Variants in AGAP3 observed in about 807,000 individuals in gnomAD.
AGAP3 encodes the protein ArfGAP with GTPase domain, ankyrin repeat and PH domain 3, also known as arf-GAP with GTPase, ANK repeat and PH domain-containing protein 3.
Under a neutral mutation model 96.9 loss-of-function variants are expected in AGAP3, and 24 were observed. The observed-to-expected ratio is 0.25, with a 90% CI of 0.18 to 0.35. The LOEUF is 0.35. AGAP3 is among the 10% of genes least tolerant of loss of function. AGAP3 has a pLI of 1.00. For missense variants in AGAP3, 876 were observed against 1,254.2 expected (o/e 0.70, Z 4.55); for synonymous variants, 563 against 536.1 (o/e 1.05, Z -0.69).
rs1276471102 is a variant in AGAP3, at chr7:151,141,554, A to T, written c.1805-344A>T. On this transcript the variant is annotated intron_variant, in intron 13 of 17. Coordinates refer to ENST00000397238, the MANE Select transcript of AGAP3 (RefSeq NM_031946.7). The surrounding 1 kb of genome is among the most constrained non-coding windows in gnomAD (Gnocchi z 4.2). ...TGTTTGCCTCCTAGCACCCCGTCAC[A>T]TCCTTCTCCAGATACTCAGCTCTTT... The T allele has an allele frequency of 3.3e-6, 1 of 307,076 alleles. No homozygotes were observed. The highest frequency in any genetic ancestry group is 6.2e-6 in the Non-Finnish European group (1 of 161,028). 19.0% of individuals were successfully genotyped at this position (307,076 alleles called of 1,614,324 possible).
At chr7:151,089,742 C>G (rs994151687) in intron 1 of AGAP3, 2 of 152,158 alleles carry the variant, frequency 1.3e-5, no homozygotes, top group Admixed American at 6.5e-5. Flanking sequence ...TCCTTTCCCA[C>G]CAGAGGCCAA....
intron 10 of AGAP3, 42 bp downstream of exon 10, chr7:151,128,726 G>A: frequency 2.0e-6 from 3 of 1,531,482 alleles, no homozygotes; most frequent in Non-Finnish European, 2.7e-6. Context: ...GTATGGGGAG[G>A]GGGTGGAGGG....
chr7:151,132,016 A>C (rs1415503314), intron 10 of AGAP3, among the ~76,000 whole-genome samples: 1 of 152,172 alleles, frequency 6.6e-6, no homozygotes, highest in Non-Finnish European at 1.5e-5. Context: ...GGGACCAGGG[A>C]CGGGCAGCTG....
At chr7:151,088,987 G>A (rs1351001852) in intron 1 of AGAP3, among the ~76,000 whole-genome samples, 4 of 151,932 alleles carry the variant, frequency 2.6e-5, no homozygotes, top group Non-Finnish European at 5.9e-5. Context: ...TCACCAGACC[G>A]ACCCAGCCGC....
Position 151,141,708 on chromosome 7 carries a change from A to G in AGAP3, c.1805-190A>G. On this transcript the variant is annotated intron_variant, in intron 13 of 17. Transcript: ENST00000397238. This position sits in a 1 kb window ranked among gnomAD's most constrained non-coding sequence, Gnocchi z 4.2. Reference sequence around the variant, plus strand: ...TTAGGAATGAGAACTGGGAGCTCACACTAGTCTTGCAGGTTTACTCTGGCC... The same window carrying G: ...TTAGGAATGAGAACTGGGAGCTCACGCTAGTCTTGCAGGTTTACTCTGGCC... 3.1e-6 allele frequency: 2 copies of G among 638,842 alleles called. No homozygotes were observed. Among genetic ancestry groups the G allele is most frequent in the Non-Finnish European group, 2.7e-6 (1 of 365,018 alleles). 39.6% of individuals were successfully genotyped at this position (638,842 alleles called of 1,614,324 possible). A position where few individuals can be genotyped will look rare whatever the true frequency, so the allele number is the denominator to read the frequency against.
intron 1 of AGAP3, among the ~76,000 whole-genome samples, chr7:151,098,374 A>G (rs1240531692): frequency 6.6e-6 from 1 of 151,328 alleles, no homozygotes; most frequent in African/African-American, 2.4e-5. Flanking sequence ...CACACATACA[A>G]ACACACACAT....
At chr7:151,126,371 G>A (rs1397821513) in intron 9 of AGAP3, among the ~76,000 whole-genome samples, 3 of 150,974 alleles carry the variant, frequency 2.0e-5, no homozygotes, top group Non-Finnish European at 4.4e-5. Flanking sequence ...AGAGCAGAGC[G>A]GAGCGGGGCG....
At chr7:151,123,577 G>A in intron 8 of AGAP3, 1 of 1,382,114 alleles carries the variant, frequency 7.2e-7, no homozygotes, top group Non-Finnish European at 9.4e-7. Context: ...GGGCGGGCCC[G>A]GCTCAGTGAC....
At chr7:151,123,920 C>T in intron 9 of AGAP3, 34 bp downstream of exon 9, 1 of 1,587,844 alleles carries the variant, frequency 6.3e-7, no homozygotes, top group Non-Finnish European at 8.5e-7. Flanking sequence ...CTCCAGGGCT[C>T]AGAATGAGGC....
Position 151,118,848 on chromosome 7 carries a change from T to C in AGAP3, c.969+216T>C, listed in dbSNP as rs1231997906. Among the ~76,000 whole-genome samples the C allele has an allele frequency of 6.6e-6, 1 of 152,184 alleles. No individual in the cohort carries two copies. The highest frequency in any genetic ancestry group is 1.5e-5 in the Non-Finnish European group (1 of 68,034). Reference sequence around the variant, plus strand: ...CCCCACGGTGCCTGCCCCTTCCCGCTGCAATCCCCACTTCTCTCTGCTCTC... The same window carrying C: ...CCCCACGGTGCCTGCCCCTTCCCGCCGCAATCCCCACTTCTCTCTGCTCTC... On this transcript the variant is annotated intron_variant, in intron 7 of 17. Transcript: ENST00000397238. The surrounding 1 kb of genome is among the most constrained non-coding windows in gnomAD (Gnocchi z 6.1).
rs188076913 is a variant in AGAP3, at chr7:151,117,587, A to G, written c.565-49A>G. ...CTTGAGTTCACCTGCCCTGCATGGGAGTTTGCCAGGTCCAGTTGCGGGTGC... is the reference window on the plus strand; with the variant it reads ...CTTGAGTTCACCTGCCCTGCATGGGGGTTTGCCAGGTCCAGTTGCGGGTGC... On this transcript the variant is annotated intron_variant, in intron 4 of 17. Transcript: ENST00000397238. 5.3e-3 allele frequency: 8,573 copies of G among 1,612,090 alleles called. 25 individuals are homozygous for G. Among genetic ancestry groups the G allele is most frequent in the Non-Finnish European group, 6.3e-3 (7,442 of 1,178,608 alleles).
chr7:151,124,258 G>T (rs1338327201), intron 9 of AGAP3, among the ~76,000 whole-genome samples: 1 of 152,202 alleles, frequency 6.6e-6, no homozygotes, highest in African/African-American at 2.4e-5. Context: ...GGGATACTGA[G>T]GGCTAGTCCA....
chr7:151,140,215 A>G lies in AGAP3; in HGVS notation c.1804+99A>G, dbSNP rs1800767236. ...CACCTATTTTTTATTTTTTGTATTC[A>G]GTGGATTAAGCACTTTCTAGTAGTT... On this transcript the variant is annotated intron_variant, in intron 13 of 17. Transcript: ENST00000397238. This position sits in a 1 kb window ranked among gnomAD's most constrained non-coding sequence, Gnocchi z 5.4. 4 of 1,291,948 alleles carry G rather than the reference A, an allele frequency of 3.1e-6. No individual in the cohort carries two copies. Among genetic ancestry groups the G allele is most frequent in the Middle Eastern group, 2.2e-4 (1 of 4,546 alleles). The allele number at this position is 1,291,948 out of a possible 1,614,324, so 80.0% of individuals were successfully genotyped here. A position where few individuals can be genotyped will look rare whatever the true frequency, so the allele number is the denominator to read the frequency against.
At chr7:151,121,206 A>G (rs1799871400) in intron 8 of AGAP3, among the ~76,000 whole-genome samples, 2 of 151,736 alleles carry the variant, frequency 1.3e-5, no homozygotes, top group Non-Finnish European at 2.9e-5. Flanking sequence ...CGAGCCCGCC[A>G]CCTGCCCTCG....
In AGAP3 at chr7:151,123,721, G is replaced by T. The variant is rs1229609250; in HGVS notation, c.1129-73G>T. On this transcript the variant is annotated intron_variant, in intron 8 of 17. Coordinates refer to ENST00000397238, the MANE Select transcript of AGAP3 (RefSeq NM_031946.7). ...CCAGGAGGAGGGAGGCAGGAGGGAG[G>T]CCGGGAAGTCCAGGTGGGCAGCTCT... 49 of 1,592,332 alleles carry T rather than the reference G, an allele frequency of 3.1e-5. No homozygotes were observed. In the South Asian group the frequency reaches 4.6e-4, roughly 15 times the overall value.
Position 151,096,472 on chromosome 7 carries a change from C to A in AGAP3, c.331+9400C>A, listed in dbSNP as rs868696420. On this transcript the variant is annotated intron_variant, in intron 1 of 17. Coordinates refer to ENST00000397238, the MANE Select transcript of AGAP3 (RefSeq NM_031946.7). The surrounding 1 kb of genome is among the most constrained non-coding windows in gnomAD (Gnocchi z 4.4). Reference sequence around the variant, plus strand: ...AGTCACACGTGTGAACTTAAATTTTCTTTTCTTTTTTTTTTTTTGAGGTGG... The same window carrying A: ...AGTCACACGTGTGAACTTAAATTTTATTTTCTTTTTTTTTTTTTGAGGTGG... Among the ~76,000 whole-genome samples, 1 of 151,466 alleles carries A rather than the reference C, an allele frequency of 6.6e-6. No individual in the cohort carries two copies. Among genetic ancestry groups the A allele is most frequent in the Non-Finnish European group, 1.5e-5 (1 of 67,862 alleles).
chr7:151,139,952 A>C lies in AGAP3; in HGVS notation c.1667-27A>C. 1 of 1,492,476 alleles carries C rather than the reference A, an allele frequency of 6.7e-7. No individual in the cohort carries two copies. Among genetic ancestry groups the C allele is most frequent in the Non-Finnish European group, 8.9e-7 (1 of 1,118,120 alleles). The allele number at this position is 1,492,476 out of a possible 1,614,324, so 92.5% of individuals were successfully genotyped here. ...CCCCTCCTCTGCCTCCCTTCTTCCC[A>C]CACTTCTCCAACTCTCCCCTCACCA... On this transcript the variant is annotated intron_variant, in intron 12 of 17. Transcript: ENST00000397238. The surrounding 1 kb of genome is among the most constrained non-coding windows in gnomAD (Gnocchi z 4.9).
intron 1 of AGAP3, among the ~76,000 whole-genome samples, chr7:151,095,777 G>A (rs1031093117): frequency 4.7e-5 from 7 of 147,964 alleles, no homozygotes; most frequent in Non-Finnish European, 8.9e-5. Context: ...GAGTTGGGAC[G>A]TTTTGGAGGC....
intron 1 of AGAP3, among the ~76,000 whole-genome samples, chr7:151,098,590 G>T (rs1346719329): frequency 6.6e-6 from 1 of 152,172 alleles, no homozygotes; most frequent in African/African-American, 2.4e-5. Flanking sequence ...AGTCAAGGCT[G>T]CAGTGAGCCG....
Sources: allele counts gnomAD v4.1 joint callset (sites outside exome capture counted in the v4.1 genomes callset), GRCh38; gene constraint gnomAD v4.1.1; non-coding constraint Gnocchi (gnomAD v3.1); transcripts MANE v1.5; gene names NCBI Gene and HGNC (gene_info 2026-07-23, HGNC 2026-07-21).